Variants in MTA3 observed in about 807,000 individuals in gnomAD.
MTA3 encodes metastasis associated 1 family member 3.
Under a neutral mutation model 83.5 loss-of-function variants are expected in MTA3, and 34 were observed. The observed-to-expected ratio is 0.41, with a 90% CI of 0.31 to 0.54. The LOEUF (loss-of-function observed/expected upper bound fraction) is 0.54. MTA3 is among the 20% of genes least tolerant of loss of function. The pLI is 0.33. For missense variants in MTA3, 761 were observed against 726.4 expected (o/e 1.05, Z -0.55); for synonymous variants, 303 against 252.7 (o/e 1.20, Z -1.89).
At chr2:42,636,067 C>T (rs1252157034) in intron 4 of MTA3, among the ~76,000 whole-genome samples, 3 of 152,092 alleles carry the variant, frequency 2.0e-5, no homozygotes, top group Non-Finnish European at 2.9e-5. Context: ...CGGCGCCGGG[C>T]CAGGAATGGT....
upstream of MTA3, among the ~76,000 whole-genome samples, chr2:42,564,600 A>T (rs1677824545): frequency 6.6e-6 from 1 of 152,190 alleles, no homozygotes; most frequent in Non-Finnish European, 1.5e-5. Flanking sequence ...ATAAGAGAAG[A>T]AGTTAATGAA....
intron 2 of MTA3, among the ~76,000 whole-genome samples, chr2:42,510,999 A>G (rs1453896939): frequency 6.6e-6 from 1 of 152,210 alleles, no homozygotes; most frequent in African/African-American, 2.4e-5. Flanking sequence ...TTTAGGAGTT[A>G]GCTTTCAAAA....
Position 42,755,272 on chromosome 2 carries a change from C to T in MTA3, c.*1873C>T, listed in dbSNP as rs1479443999. The T allele has an allele frequency of 1.0e-6, 1 of 985,094 alleles. No homozygotes were observed. Among genetic ancestry groups the T allele is most frequent in the Non-Finnish European group, 1.2e-6 (1 of 829,718 alleles). 61.0% of individuals were successfully genotyped at this position (985,094 alleles called of 1,614,324 possible). ...ACCCTTTCACTTTCTCTCTGAACCC[C>T]TACTAAGTGGTGACTGCAGATTCTG... On this transcript the variant is annotated 3_prime_UTR_variant, in exon 17 of 17. Coordinates refer to ENST00000405094, the MANE Select transcript of MTA3 (RefSeq NM_001330442.2).
At chr2:42,620,062 A>C (rs1685360631) in intron 4 of MTA3, among the ~76,000 whole-genome samples, 1 of 151,966 alleles carries the variant, frequency 6.6e-6, no homozygotes. Context: ...AGTGGCATTT[A>C]GCACGTTGAC....
intron 8 of MTA3, among the ~76,000 whole-genome samples, chr2:42,668,381 C>T (rs1371627345): frequency 6.6e-6 from 1 of 152,218 alleles, no homozygotes; most frequent in South Asian, 2.1e-4. Context: ...AGGCCCTGTC[C>T]TTACTGGGAG....
Position 42,562,309 on chromosome 2 carries a change from C to A in MTA3, c.-140-8128C>A, listed in dbSNP as rs575795026. ...GCATGTCTTTTGGGGGGCCACCATT[C>A]AACCCACTACATCATCTTAGAGGCA... is the stretch of plus-strand genomic sequence containing the variant. On this transcript the variant is annotated intron_variant, in intron 2 of 17. Coordinates refer to the MTA3 transcript ENST00000405592. 6.6e-5 allele frequency among the ~76,000 whole-genome samples: 10 copies of A among 152,244 alleles called. No individual in the cohort carries two copies. The South Asian group carries it at 1.5e-3, about 22-fold the overall frequency.
intron 9 of MTA3, among the ~76,000 whole-genome samples, chr2:42,687,180 C>G (rs951843196): frequency 1.3e-5 from 2 of 152,098 alleles, no homozygotes; most frequent in East Asian, 3.8e-4. Context: ...GTTTCATCAC[C>G]TCTCCCGTCA....
chr2:42,667,584 G>A (rs1030670894), intron 8 of MTA3, among the ~76,000 whole-genome samples: 10 of 129,446 alleles, frequency 7.7e-5, no homozygotes, highest in African/African-American at 2.7e-4. Flanking sequence ...GTGTGTGTGT[G>A]TGTGTGTGTG....
Position 42,525,623 on chromosome 2 carries a change from CTACTTTCT to C in MTA3, c.-141+30371_-141+30378del, listed in dbSNP as rs143352919. On this transcript the variant is annotated intron_variant, in intron 2 of 17. Transcript: ENST00000405592. ...CTTCCTTTCCTTCCTTCCTTCCTTC[CTACTTTCT>C]TTCTTTCTTTCTTTCTTTTTTTCCT... Among the ~76,000 whole-genome samples, 21 of 138,864 alleles carry C rather than the reference CTACTTTCT, an allele frequency of 1.5e-4. 1 individual carries two copies. Among genetic ancestry groups the C allele is most frequent in the African/African-American group, 3.8e-4 (14 of 36,990 alleles). The allele number at this position is 138,864 out of a possible 152,430, so 91.1% of individuals were successfully genotyped here.
At chr2:42,579,433 T>C (rs1029653503) in intron 3 of MTA3, among the ~76,000 whole-genome samples, 3 of 143,722 alleles carry the variant, frequency 2.1e-5, no homozygotes, top group Non-Finnish European at 4.6e-5. Flanking sequence ...ATATATATTT[T>C]TTTTTTTTTC....
At chr2:42,621,053 C>T (rs548420999) in intron 4 of MTA3, among the ~76,000 whole-genome samples, 1 of 140,754 alleles carries the variant, frequency 7.1e-6, no homozygotes, top group Admixed American at 7.4e-5. Context: ...TTTTATTTGT[C>T]AGTTATACCT....
At chr2:42,512,816 T>A (rs1674965561) in intron 2 of MTA3, among the ~76,000 whole-genome samples, 1 of 152,228 alleles carries the variant, frequency 6.6e-6, no homozygotes, top group South Asian at 2.1e-4. Context: ...ATAACTTCCA[T>A]TGACTCGGCA....
intron 2 of MTA3, among the ~76,000 whole-genome samples, chr2:42,497,508 C>G (rs372823541): frequency 9.9e-5 from 15 of 151,834 alleles, no homozygotes; most frequent in Admixed American, 3.3e-4. Flanking sequence ...TCGCTTGAAC[C>G]CGGGAGGCAG....
At chr2:42,502,428 A>G (rs1674437752) in intron 2 of MTA3, among the ~76,000 whole-genome samples, 1 of 152,216 alleles carries the variant, frequency 6.6e-6, no homozygotes, top group Non-Finnish European at 1.5e-5. Context: ...ACATATGTGC[A>G]GATGTTATCT....
intron 2 of MTA3, among the ~76,000 whole-genome samples, chr2:42,540,789 C>T (rs991086686): frequency 4.0e-5 from 6 of 150,142 alleles, no homozygotes; most frequent in Non-Finnish European, 5.9e-5. Context: ...GAGCTGTGAT[C>T]GTGCTATTGC....
rs180717012 is a variant in MTA3, at chr2:42,498,800, A to G, written c.-141+3546A>G. Among the ~76,000 whole-genome samples the G allele has an allele frequency of 4.4e-4, 67 of 152,280 alleles. 1 individual carries two copies. Among genetic ancestry groups the G allele is most frequent in the Admixed American group, 3.5e-3 (54 of 15,286 alleles). On this transcript the variant is annotated intron_variant, in intron 2 of 17. Coordinates refer to the MTA3 transcript ENST00000405592. ...AGAGTTGTTGTCATCTGGGTTGTATAACAGAATTGAAAACTCCTATTTTTA... is the reference window on the plus strand; with the variant it reads ...AGAGTTGTTGTCATCTGGGTTGTATGACAGAATTGAAAACTCCTATTTTTA...
At chr2:42,523,747 T>C (rs966650914) in intron 2 of MTA3, among the ~76,000 whole-genome samples, 1 of 151,934 alleles carries the variant, frequency 6.6e-6, no homozygotes, top group African/African-American at 2.4e-5. Flanking sequence ...ACCTCTTCTC[T>C]AACAAAACAA....
At chr2:42,677,735 T>C (rs1691513350) in intron 8 of MTA3, among the ~76,000 whole-genome samples, 1 of 152,156 alleles carries the variant, frequency 6.6e-6, no homozygotes, top group South Asian at 2.1e-4. Context: ...CTCCTTGCCT[T>C]CCACCATGAT....
chr2:42,548,809 A>AAAATATATATATATATAT (rs1298618747), intron 2 of MTA3, among the ~76,000 whole-genome samples: 2 of 45,634 alleles, frequency 4.4e-5, no homozygotes, highest in Non-Finnish European at 3.7e-5. Flanking sequence ...TCTCAAAAAA[A>AAAATATATATATATATAT]AATATATATA....
Sources: allele counts gnomAD v4.1 joint callset (sites outside exome capture counted in the v4.1 genomes callset), GRCh38; gene constraint gnomAD v4.1.1; transcripts MANE v1.5; gene names NCBI Gene and HGNC (gene_info 2026-07-23, HGNC 2026-07-21).